Variants in ACLY observed in about 807,000 individuals in gnomAD.
ACLY encodes ATP-citrate synthase.
Under a neutral mutation model 133.0 loss-of-function variants are expected in ACLY, and 41 were observed. The ratio of observed to expected loss-of-function variants is 0.31; its 90% CI spans 0.24 to 0.40. ACLY has a LOEUF of 0.40. Among genes scored for constraint, ACLY ranks in the 10% least tolerant of loss-of-function variants. The pLI is 1.00. For synonymous variants in ACLY, 495 were observed against 549.3 expected (o/e 0.90, Z 1.38); for missense variants, 1,046 against 1,453.8 (o/e 0.72, Z 4.56).
intron 1 of ACLY, among the ~76,000 whole-genome samples, chr17:41,927,782 C>T (rs1189424992): frequency 1.3e-5 from 2 of 151,554 alleles, no homozygotes; most frequent in African/African-American, 2.4e-5. Context: ...GCTGAGATCA[C>T]GCCACTGCAC....
chr17:41,924,218 C>T (rs1358442086), intron 1 of ACLY, among the ~76,000 whole-genome samples: 1 of 151,936 alleles, frequency 6.6e-6, no homozygotes, highest in Non-Finnish European at 1.5e-5. Flanking sequence ...GATCTCGGCT[C>T]ACTGCAACCT....
chr17:41,908,885 TGTTACC>T (rs1598035600), intron 6 of ACLY, 98 bp downstream of exon 6: 4 of 924,530 alleles, frequency 4.3e-6, no homozygotes, highest in Non-Finnish European at 7.0e-6. Context: ...ATCTGTCTTG[TGTTACC>T]CTCTGGCAAG....
rs1374496757 is a variant in ACLY, at chr17:41,912,333, G to A, written c.282+87C>T. ...CTGAGCTACAATGAGACTGGCTGTGGGGGTGATCCACAGAGCTGCTGACCT... is the reference window on the plus strand; with the variant it reads ...CTGAGCTACAATGAGACTGGCTGTGAGGGTGATCCACAGAGCTGCTGACCT... On this transcript the variant is annotated intron_variant, in intron 3 of 28. Transcript: ENST00000352035. The A allele has an allele frequency of 5.2e-6, 8 of 1,534,138 alleles. No homozygotes were observed. In the South Asian group the frequency reaches 8.6e-5, roughly 17 times the overall value.
At chr17:41,928,852 T>TA (rs11428338) in intron 1 of ACLY, among the ~76,000 whole-genome samples, 79,646 of 119,716 alleles carry the variant, frequency 0.67, 26,135 homozygotes, top group East Asian at 0.81. Flanking sequence ...GACTCCACCA[T>TA]AAAAAAAAAA....
At chr17:41,883,582 CTTTTTTTTTT>C (rs139989311) in intron 19 of ACLY, among the ~76,000 whole-genome samples, 3 of 88,924 alleles carry the variant, frequency 3.4e-5, no homozygotes, top group African/African-American at 1.3e-4. Context: ...TTTTTTTTTG[CTTTTTTTTTT>C]TTTTTTTTTT....
intron 4 of ACLY, among the ~76,000 whole-genome samples, chr17:41,909,902 T>C (rs2049847294): frequency 6.6e-6 from 1 of 152,176 alleles, no homozygotes; most frequent in South Asian, 2.1e-4. Context: ...AAGAAGCCTC[T>C]ACCCCACTGG....
At chr17:41,912,378 T>C (rs782502125) in intron 3 of ACLY, 42 bp downstream of exon 3, 1 of 1,602,686 alleles carries the variant, frequency 6.2e-7, no homozygotes, top group Non-Finnish European at 8.5e-7. Context: ...CATATTTGCT[T>C]CTGTTACCAC....
chr17:41,884,274 C>T lies in ACLY; in HGVS notation c.2073G>A (p.Arg691=). Residue 691 remains arginine (R), a splice_region_variant and synonymous_variant, in exon 19 of 29, where the codon AGG becomes AGA. Transcript: ENST00000352035. ...GATCCATGAATGTGGAGCCCGGGTA[C>T]CTGTTGAGAGCAGGGAGTATCAGGA... The part of the protein sequence containing the change: ...VYEGVAIGGD[R]YPGSTFMDHV... The T allele has an allele frequency of 6.2e-7, 1 of 1,603,586 alleles. No individual in the cohort carries two copies. Among genetic ancestry groups the T allele is most frequent in the Non-Finnish European group, 8.5e-7 (1 of 1,170,582 alleles).
rs1328678620 is a variant in ACLY, at chr17:41,897,604, G to C, written c.1429+145C>G. 1.4e-5 allele frequency: 10 copies of C among 693,898 alleles called. No individual in the cohort carries two copies. The Admixed American group carries it at 2.9e-4, about 20-fold the overall frequency. 43.0% of individuals were successfully genotyped at this position (693,898 alleles called of 1,614,324 possible). A position where few individuals can be genotyped will look rare whatever the true frequency, so the allele number is the denominator to read the frequency against. On this transcript the variant is annotated intron_variant, in intron 13 of 28. Transcript: ENST00000352035. ...GGAAGGCTCAAGTCATACCATCCTC[G>C]TGTCCCAGGTGCACTCCCATTGCAA...
At position 41,867,450 on chromosome 17, in the gene ACLY, G is replaced by C. The variant is rs1555624077; in HGVS notation, c.*360C>G. The C allele has an allele frequency of 6.3e-6, 1 of 159,014 alleles. No homozygotes were observed. Among genetic ancestry groups the C allele is most frequent in the Non-Finnish European group, 1.4e-5 (1 of 72,770 alleles). The allele number at this position is 159,014 out of a possible 1,614,324, so 9.9% of individuals were successfully genotyped here. ...TGTTTCATTCCCTTCCTCCAAAGGA[G>C]AAAAAAATGTTTAACTAATGGAAAA... On this transcript the variant is annotated 3_prime_UTR_variant, in exon 29 of 29. Coordinates refer to ENST00000352035, the MANE Select transcript of ACLY (RefSeq NM_001096.3).
chr17:41,892,516 G>A, intron 15 of ACLY, 69 bp from the exon 16 acceptor site: 1 of 1,390,068 alleles, frequency 7.2e-7, no homozygotes, highest in Non-Finnish European at 1.0e-6. Context: ...GAAGCTGAGG[G>A]GAGGAATTTC....
intron 1 of ACLY, 41 bp from the exon 2 acceptor site, chr17:41,913,937 G>A: frequency 6.3e-7 from 1 of 1,594,900 alleles, no homozygotes. Context: ...GGGCAGGCGT[G>A]TGGAGGCACT....
At position 41,878,896 on chromosome 17, in the gene ACLY, G is replaced by A. The variant is rs782537124; in HGVS notation, c.2294C>T (p.Ala765Val). 6.2e-7 allele frequency: 1 copy of A among 1,613,958 alleles called. No homozygotes were observed. The highest frequency in any genetic ancestry group is 8.5e-7 in the Non-Finnish European group (1 of 1,180,000). The change falls in exon 21 of 29, where the codon GCC becomes GTC. Residue 765 changes from alanine to valine, a missense_variant. Around this residue, in one of 4 missense-constraint regions of ACLY, gnomAD observed 575 missense variants for 804.2 expected, o/e 0.71. Coordinates refer to ENST00000352035, the MANE Select transcript of ACLY (RefSeq NM_001096.3). ...TACTGCAGTTTCAGAAGCCTGGTTG[G>A]CACAAGCTCCAGCATGGCCAAACTG... ...EVQFGHAGACANQASETAVAK... is the reference protein window; with the variant it reads ...EVQFGHAGACVNQASETAVAK...
chr17:41,893,101 G>A lies in ACLY; in HGVS notation c.1533C>T (p.Gly511=), dbSNP rs556403945. The change falls in exon 15 of 29, where the codon GGC becomes GGT. Residue 511 remains glycine, a synonymous_variant. Coordinates refer to ENST00000352035, the MANE Select transcript of ACLY (RefSeq NM_001096.3). ...VWGMQTRAVQ[G]MLDFDYVCSR... is the part of the protein sequence containing the mutation. ...AGCAGACATAGTCAAAGTCCAGCATGCCTTGCACGGCCCGGGTCTGCATGC... is the reference window on the plus strand; with the variant it reads ...AGCAGACATAGTCAAAGTCCAGCATACCTTGCACGGCCCGGGTCTGCATGC... The A allele has an allele frequency of 4.3e-6, 7 of 1,614,162 alleles. No individual in the cohort carries two copies. The African/African-American group carries it at 9.3e-5, about 22-fold the overall frequency.
At chr17:41,888,383 C>T (rs781888869) in intron 16 of ACLY, among the ~76,000 whole-genome samples, 1 of 152,188 alleles carries the variant, frequency 6.6e-6, no homozygotes, top group Non-Finnish European at 1.5e-5. Flanking sequence ...TGTTCCTGTG[C>T]CTGCTCATAA....
intron 22 of ACLY, 148 bp downstream of exon 22, chr17:41,877,955 A>G (rs2048806802): frequency 5.0e-6 from 2 of 401,618 alleles, no homozygotes; most frequent in Non-Finnish European, 8.9e-6. Context: ...ATATATATAT[A>G]TCCTATTAGT....
At chr17:41,885,061 C>G (rs1202745252) in intron 18 of ACLY, among the ~76,000 whole-genome samples, 3 of 151,964 alleles carry the variant, frequency 2.0e-5, no homozygotes, top group African/African-American at 7.2e-5. Flanking sequence ...AGATGGGGGT[C>G]TCTACCAAAT....
rs1555625061 is a variant in ACLY at position 41,871,673 on chromosome 17, G to GA, written c.2937+15dup. ...CCTGGCCTCCATCCCACTTTTTTAG[G>GA]AGAGTAACAACTCACCGACTTCACT... On this transcript the variant is annotated intron_variant, in intron 25 of 28. Transcript: ENST00000352035. 1 of 1,613,716 alleles carries GA rather than the reference G, an allele frequency of 6.2e-7. No individual in the cohort carries two copies. Among genetic ancestry groups the GA allele is most frequent in the African/African-American group, 1.3e-5 (1 of 74,972 alleles).
At chr17:41,909,721 A>C (rs1391504725) in intron 4 of ACLY, 21 bp from the exon 5 acceptor site, 2 of 1,610,924 alleles carry the variant, frequency 1.2e-6, no homozygotes, top group Non-Finnish European at 1.7e-6. Context: ...AAGAGACAGG[A>C]CAGTGGGATT....
Sources: gnomAD v4.1 joint callset for allele counts (sites outside exome capture counted in the v4.1 genomes callset) on GRCh38, gnomAD v4.1.1 for gene constraint, gnomAD v4.1.1 regional missense constraint, MANE v1.5 for transcripts, NCBI Gene and HGNC (gene_info 2026-07-23, HGNC 2026-07-21) for gene names.